Variants in NRG3 observed in about 807,000 individuals in gnomAD.
NRG3 encodes pro-neuregulin-3, membrane-bound isoform.
NRG3 carries 31 observed loss-of-function variants against 66.9 expected under a neutral mutation model. That is an observed-to-expected ratio of 0.46 (90% CI 0.35 to 0.63). NRG3 has a LOEUF of 0.63. Among genes scored for constraint, NRG3 ranks in the 20% least tolerant of loss-of-function variants. The probability of loss-of-function intolerance (pLI) is 0.00; values close to 1 mark genes in which losing one functional copy is unlikely to be tolerated. For synonymous variants in NRG3, 393 were observed against 359.4 expected (o/e 1.09, Z -1.06); for missense variants, 910 against 878.9 (o/e 1.04, Z -0.45).
At chr10:82,796,066 C>G (rs1485794676) in intron 3 of NRG3, among the ~76,000 whole-genome samples, 1 of 152,030 alleles carries the variant, frequency 6.6e-6, no homozygotes, top group Non-Finnish European at 1.5e-5. Context: ...ATACTGCATA[C>G]TGAAGTCTGT....
At chr10:82,226,265 G>A (rs1463566163) in intron 1 of NRG3, among the ~76,000 whole-genome samples, 1 of 152,138 alleles carries the variant, frequency 6.6e-6, no homozygotes, top group Non-Finnish European at 1.5e-5. Context: ...TTATTCATTT[G>A]TACATCAAGG....
chr10:82,459,877 C>T (rs968162477), intron 2 of NRG3, among the ~76,000 whole-genome samples: 4 of 152,180 alleles, frequency 2.6e-5, no homozygotes, highest in Non-Finnish European at 4.4e-5. Context: ...AAAGATAATT[C>T]TACTTCATTT....
chr10:82,672,040 A>G (rs2053320152), intron 2 of NRG3, among the ~76,000 whole-genome samples: 1 of 152,140 alleles, frequency 6.6e-6, no homozygotes, highest in South Asian at 2.1e-4. Context: ...ATCCTTACTG[A>G]TCTCTAATAT....
At chr10:82,814,860 GCCT>G (rs1413828955) in intron 3 of NRG3, among the ~76,000 whole-genome samples, 1 of 152,082 alleles carries the variant, frequency 6.6e-6, no homozygotes, top group Non-Finnish European at 1.5e-5. Context: ...TATGTGAGAG[GCCT>G]CCTTTAATCC....
In NRG3 at chr10:82,865,434, ATGGGTAAGAC is replaced by A; in HGVS notation, c.1053_1054+8del. 6.2e-7 allele frequency: 1 copy of A among 1,612,754 alleles called. No homozygotes were observed. Among genetic ancestry groups the A allele is most frequent in the African/African-American group, 1.3e-5 (1 of 74,954 alleles). ...AGCAGACCACTTGGGGATTGAATTC[ATGGGTAAGAC>A]TAAACAATTTGCTCATTTAATATCC... is the stretch of plus-strand genomic sequence containing the variant. On this transcript the variant is annotated splice_donor_variant and splice_donor_5th_base_variant and coding_sequence_variant and intron_variant, in exon 4 of 9. Coordinates refer to ENST00000372141, the MANE Select transcript of NRG3 (RefSeq NM_001010848.4). LOFTEE classifies it high-confidence loss of function.
intron 1 of NRG3, among the ~76,000 whole-genome samples, chr10:82,173,496 C>A (rs2072788929): frequency 6.6e-6 from 1 of 151,914 alleles, no homozygotes. Flanking sequence ...TAAAACATAG[C>A]AACACAATCT....
chr10:82,099,045 G>T (rs962739115), intron 1 of NRG3, among the ~76,000 whole-genome samples: 4 of 152,272 alleles, frequency 2.6e-5, no homozygotes, highest in African/African-American at 9.6e-5. Flanking sequence ...GATTACAGGC[G>T]TGAGCCACCA....
rs926710913 is a variant in NRG3, at chr10:82,954,024, C to G, written c.1157+2453C>G. Among the ~76,000 whole-genome samples the G allele has an allele frequency of 2.0e-5, 3 of 151,580 alleles. No homozygotes were observed. In the East Asian group the frequency reaches 5.8e-4, roughly 29 times the overall value. ...CAAAGTGTTTAAAAGAGTAAATACC[C>G]AATGGAGGCTTGCTGTCGTTAACAC... is the stretch of plus-strand genomic sequence containing the variant. On this transcript the variant is annotated intron_variant, in intron 5 of 8. Coordinates refer to ENST00000372141, the MANE Select transcript of NRG3 (RefSeq NM_001010848.4).
intron 3 of NRG3, among the ~76,000 whole-genome samples, chr10:82,789,021 A>AAT (rs1555040438): frequency 6.6e-6 from 1 of 151,964 alleles, no homozygotes; most frequent in African/African-American, 2.4e-5. Flanking sequence ...ATTTATTTTG[A>AAT]ATATATATAC....
At chr10:81,967,037 A>T (rs376481413) in intron 1 of NRG3, among the ~76,000 whole-genome samples, 5 of 151,644 alleles carry the variant, frequency 3.3e-5, no homozygotes, top group Non-Finnish European at 4.4e-5. Context: ...ATTTTAAAAA[A>T]TTTTCTATTT....
chr10:82,044,443 G>C (rs959147246), intron 1 of NRG3, among the ~76,000 whole-genome samples: 1 of 152,000 alleles, frequency 6.6e-6, no homozygotes, highest in African/African-American at 2.4e-5. Context: ...GGATGTGAGA[G>C]AAAACAAGAA....
chr10:82,801,399 A>G (rs1385089976), intron 3 of NRG3, among the ~76,000 whole-genome samples: 2 of 152,140 alleles, frequency 1.3e-5, no homozygotes, highest in Non-Finnish European at 2.9e-5. Flanking sequence ...TTAGAAAAAC[A>G]TCTTTCTTTT....
intron 3 of NRG3, among the ~76,000 whole-genome samples, chr10:82,864,875 A>T (rs1464949294): frequency 6.6e-6 from 1 of 152,202 alleles, no homozygotes; most frequent in Non-Finnish European, 1.5e-5. Context: ...ACTGAAGCAC[A>T]GTTTTCTCAT....
intron 2 of NRG3, among the ~76,000 whole-genome samples, chr10:82,700,532 C>CAAACTTCTCCATTTATA (rs915877697): frequency 5.9e-5 from 9 of 152,156 alleles, no homozygotes; most frequent in Non-Finnish European, 1.2e-4. Flanking sequence ...GAAGTGGAGG[C>CAAACTTCTCCATTTATA]AAACATGATG....
intron 2 of NRG3, among the ~76,000 whole-genome samples, chr10:82,707,018 A>ATATATATATATATAT (rs2056344007): frequency 1.4e-5 from 2 of 141,330 alleles, no homozygotes; most frequent in African/African-American, 5.3e-5. Context: ...AAATAAAATA[A>ATATATATATATATAT]ATATATATAT....
intron 3 of NRG3, among the ~76,000 whole-genome samples, chr10:82,835,837 A>G (rs1229504408): frequency 1.3e-5 from 2 of 152,152 alleles, no homozygotes; most frequent in African/African-American, 2.4e-5. Flanking sequence ...GGTACTGAAG[A>G]AGAAAGAATG....
intron 1 of NRG3, among the ~76,000 whole-genome samples, chr10:82,272,257 C>T (rs964183379): frequency 2.6e-5 from 4 of 151,832 alleles, no homozygotes; most frequent in South Asian, 2.1e-4. Flanking sequence ...CTCTAAGCAG[C>T]GAGAAAAGCA....
intron 3 of NRG3, among the ~76,000 whole-genome samples, chr10:82,777,912 A>G (rs989546998): frequency 2.6e-5 from 4 of 152,204 alleles, no homozygotes; most frequent in Non-Finnish European, 2.9e-5. Flanking sequence ...TTCATTGCCC[A>G]TGGAGGTGAG....
intron 1 of NRG3, among the ~76,000 whole-genome samples, chr10:82,050,602 CAG>C (rs1284980965): frequency 3.3e-5 from 5 of 152,040 alleles, no homozygotes; most frequent in Non-Finnish European, 7.4e-5. Flanking sequence ...TTTGGCAATA[CAG>C]AGACTCTCAG....
Sources: allele counts gnomAD v4.1 joint callset (sites outside exome capture counted in the v4.1 genomes callset), GRCh38; gene constraint gnomAD v4.1.1; transcripts MANE v1.5; gene names NCBI Gene and HGNC (gene_info 2026-07-23, HGNC 2026-07-21).